EML4: variants seen among roughly 807,000 people sequenced by gnomAD.
EML4 encodes the protein echinoderm microtubule-associated protein-like 4.
Under a neutral mutation model 129.0 loss-of-function variants are expected in EML4, and 72 were observed. The ratio of observed to expected loss-of-function variants is 0.56; its 90% CI spans 0.46 to 0.68. The LOEUF is 0.68. Among genes scored for constraint, EML4 ranks in the 30% least tolerant of loss-of-function variants. The pLI is 0.00. For missense variants in EML4, 1,363 were observed against 1,190.6 expected (o/e 1.14, Z -2.13); for synonymous variants, 532 against 405.0 (o/e 1.31, Z -3.77).
At chr2:42,279,543 C>T (rs1051784638) in intron 6 of EML4, among the ~76,000 whole-genome samples, 1 of 151,962 alleles carries the variant, frequency 6.6e-6, no homozygotes, top group Non-Finnish European at 1.5e-5. Flanking sequence ...CTGCAAGCTC[C>T]ACCTCCCAGG....
chr2:42,327,983 C>G (rs1013353008), intron 21 of EML4, among the ~76,000 whole-genome samples: 1 of 152,092 alleles, frequency 6.6e-6, no homozygotes, highest in African/African-American at 2.4e-5. Context: ...GACAGAGAAG[C>G]CTAATAGGCC....
At chr2:42,198,016 T>G (rs1192256758) in intron 1 of EML4, among the ~76,000 whole-genome samples, 1 of 152,198 alleles carries the variant, frequency 6.6e-6, no homozygotes, top group Non-Finnish European at 1.5e-5. Flanking sequence ...TATTTAATCT[T>G]TCTGTGTGCC....
At chr2:42,222,611 C>G (rs572544610) in intron 1 of EML4, among the ~76,000 whole-genome samples, 3 of 152,092 alleles carry the variant, frequency 2.0e-5, no homozygotes, top group Non-Finnish European at 4.4e-5. Context: ...TTGCCAACCC[C>G]TGTTCTTCAT....
chr2:42,184,651 A>T (rs374571452), intron 1 of EML4, among the ~76,000 whole-genome samples: 2 of 152,052 alleles, frequency 1.3e-5, no homozygotes, highest in African/African-American at 4.8e-5. Flanking sequence ...CCTTTCTCTT[A>T]CTAATTCCTG....
intron 3 of EML4, among the ~76,000 whole-genome samples, chr2:42,256,922 A>G (rs114716052): frequency 0.023 from 3,494 of 152,314 alleles, 121 homozygotes; most frequent in African/African-American, 0.08. Context: ...AAGCATCACT[A>G]TATTTAAAGA....
Position 42,284,785 on chromosome 2 carries a change from A to C in EML4, c.1011+82A>C, listed in dbSNP as rs185630716. 3.8e-5 allele frequency: 38 copies of C among 1,010,620 alleles called. No individual in the cohort carries two copies. The African/African-American group carries it at 4.5e-4, about 12-fold the overall frequency. 62.6% of individuals were successfully genotyped at this position (1,010,620 alleles called of 1,614,324 possible). A position where few individuals can be genotyped will look rare whatever the true frequency, so the allele number is the denominator to read the frequency against. ...TCTATTGTAATTTTAACCACAACTCATTTGTTTTATTCTTTTAAAATTTAA... is the reference window on the plus strand; with the variant it reads ...TCTATTGTAATTTTAACCACAACTCCTTTGTTTTATTCTTTTAAAATTTAA... On this transcript the variant is annotated intron_variant, in intron 9 of 22. Transcript: ENST00000318522.
chr2:42,204,420 A>G (rs6726608), intron 1 of EML4, among the ~76,000 whole-genome samples: 45,786 of 151,954 alleles, frequency 0.3, 7,280 homozygotes, highest in East Asian at 0.56. Context: ...GATAATAAAT[A>G]TTTTAGGCTT....
intron 6 of EML4, among the ~76,000 whole-genome samples, chr2:42,275,302 A>G (rs1666594498): frequency 6.6e-6 from 1 of 152,200 alleles, no homozygotes; most frequent in African/African-American, 2.4e-5. Context: ...TTTCCAGTAT[A>G]TCTCAATTCA....
intron 2 of EML4, among the ~76,000 whole-genome samples, chr2:42,248,757 G>T (rs1675575741): frequency 6.6e-6 from 1 of 151,854 alleles, no homozygotes; most frequent in African/African-American, 2.4e-5. Flanking sequence ...TGCTAAGATG[G>T]TTCATTCTTT....
At chr2:42,226,332 C>T (rs1018529835) in intron 1 of EML4, among the ~76,000 whole-genome samples, 3 of 151,976 alleles carry the variant, frequency 2.0e-5, no homozygotes, top group Non-Finnish European at 4.4e-5. Context: ...TTGAAGAGAT[C>T]TATTGTAAAT....
chr2:42,282,381 T>C (rs1383925705), intron 7 of EML4, among the ~76,000 whole-genome samples: 1 of 150,552 alleles, frequency 6.6e-6, no homozygotes. Flanking sequence ...TGAGTTTTCC[T>C]TTTTTTTGGT....
Position 42,169,491 on chromosome 2 carries a change from C to A in EML4, c.-121C>A. 8.4e-7 allele frequency: 1 copy of A among 1,195,158 alleles called. No homozygotes were observed. Among genetic ancestry groups the A allele is most frequent in the African/African-American group, 1.6e-5 (1 of 63,772 alleles). 74.0% of individuals were successfully genotyped at this position (1,195,158 alleles called of 1,614,324 possible). ...ACGGACGGACGACGGAGGCGGGAGC[C>A]GGTAGCCGAGCCGGGCGACCTAGAG... On this transcript the variant is annotated 5_prime_UTR_variant, in exon 1 of 23. Coordinates refer to ENST00000318522, the MANE Select transcript of EML4 (RefSeq NM_019063.5).
chr2:42,300,574 T>C (rs1668226631), intron 13 of EML4, among the ~76,000 whole-genome samples: 1 of 152,134 alleles, frequency 6.6e-6, no homozygotes, highest in South Asian at 2.1e-4. Flanking sequence ...TGCTAGTAGG[T>C]CAAAAGCCAT....
intron 6 of EML4, among the ~76,000 whole-genome samples, chr2:42,279,874 G>A (rs890343877): frequency 3.3e-5 from 5 of 151,900 alleles, no homozygotes; most frequent in African/African-American, 1.2e-4. Flanking sequence ...GATGATTAGT[G>A]ATGTTGAACA....
intron 11 of EML4, chr2:42,289,913 C>CAAAAAAAAAAAAAAAAAAAA (rs869189390): frequency 1.8e-5 from 1 of 55,832 alleles, no homozygotes; most frequent in Non-Finnish European, 3.9e-5. Context: ...ACTAAAAATA[C>CAAAAAAAAAAAAAAAAAAAA]AAAAAAAAAA....
intron 6 of EML4, among the ~76,000 whole-genome samples, chr2:42,269,130 G>A (rs1342294495): frequency 6.6e-6 from 1 of 152,150 alleles, no homozygotes; most frequent in East Asian, 1.9e-4. Flanking sequence ...AAATTGAGAA[G>A]TAATTGACTG....
Position 42,220,805 on chromosome 2 carries a change from T to C in EML4, c.26-24700T>C, listed in dbSNP as rs188261847. On this transcript the variant is annotated intron_variant, in intron 1 of 22. Transcript: ENST00000318522. The stretch of plus-strand genomic sequence containing the variant: ...GAAGAGTGCTACTCCAGTGAACATA[T>C]GAATGATAAAGTTAAACAGCCTTAT... Among the ~76,000 whole-genome samples, 717 of 152,304 alleles carry C rather than the reference T, an allele frequency of 4.7e-3. 9 individuals carry two copies. The highest frequency in any genetic ancestry group is 6.9e-3 in the Non-Finnish European group (469 of 68,022).
chr2:42,327,786 G>A (rs1669890350), intron 21 of EML4, among the ~76,000 whole-genome samples: 1 of 152,176 alleles, frequency 6.6e-6, no homozygotes. Flanking sequence ...TTAAAATACT[G>A]GATATGGATG....
intron 1 of EML4, among the ~76,000 whole-genome samples, chr2:42,220,564 A>C (rs969183794): frequency 6.6e-6 from 1 of 152,074 alleles, no homozygotes; most frequent in Non-Finnish European, 1.5e-5. Flanking sequence ...AGGCCTCCCT[A>C]TTCCCTGAGA....
Sources: allele counts gnomAD v4.1 joint callset (sites outside exome capture counted in the v4.1 genomes callset), GRCh38; gene constraint gnomAD v4.1.1; transcripts MANE v1.5; gene names NCBI Gene and HGNC (gene_info 2026-07-23, HGNC 2026-07-21).